ANKS1B: variants seen among roughly 807,000 people sequenced by gnomAD.
ANKS1B encodes ankyrin repeat and sterile alpha motif domain-containing protein 1B.
In ANKS1B, 36 loss-of-function variants were observed where a neutral mutation model predicts 148.3. The observed-to-expected ratio is 0.24, with a 90% CI of 0.19 to 0.32. The LOEUF is 0.32. Among genes scored for constraint, ANKS1B ranks in the 10% least tolerant of loss-of-function variants. The pLI, the probability that ANKS1B is intolerant of heterozygous loss-of-function variation, is 1.00. For missense variants in ANKS1B, 1,157 were observed against 1,542.6 expected, an observed-to-expected ratio of 0.75 and a Z score of 4.19; for synonymous variants, 542 against 560.8, an observed-to-expected ratio of 0.97 and a Z score of 0.47.
intron 17 of ANKS1B, among the ~76,000 whole-genome samples, chr12:98,901,325 A>T (rs1398976566): frequency 1.3e-5 from 2 of 152,242 alleles, no homozygotes; most frequent in Non-Finnish European, 2.9e-5. Flanking sequence ...TGGGTGGATT[A>T]TCTTCAATGA....
At chr12:99,685,742 G>GTATATATA (rs2098645760) in intron 8 of ANKS1B, among the ~76,000 whole-genome samples, 1 of 147,494 alleles carries the variant, frequency 6.8e-6, no homozygotes, top group African/African-American at 2.6e-5. Flanking sequence ...GTGTGTGTGT[G>GTATATATA]TATACATATA....
At chr12:99,034,323 TA>T (rs1280678355) in intron 17 of ANKS1B, among the ~76,000 whole-genome samples, 1 of 152,006 alleles carries the variant, frequency 6.6e-6, no homozygotes, top group African/African-American at 2.4e-5. Context: ...TTAATTATTT[TA>T]TTTTTTTTTT....
In ANKS1B at chr12:99,004,272, A is replaced by G. The variant is rs1488564524; in HGVS notation, c.2778+48885T>C. Among the ~76,000 whole-genome samples, 6 of 152,108 alleles carry G rather than the reference A, an allele frequency of 3.9e-5. No homozygotes were observed. In the East Asian group the frequency reaches 1.2e-3, roughly 29 times the overall value. On this transcript the variant is annotated intron_variant, in intron 17 of 26. Coordinates refer to ENST00000683438, the MANE Select transcript of ANKS1B (RefSeq NM_001352186.2). ...AGGGCTTTCTGTTCTTTTTCAGCAA[A>G]ACGCTCCTATTACAGCAGTTTTGTG...
chr12:99,458,440 GAA>G (rs147575113), intron 10 of ANKS1B, among the ~76,000 whole-genome samples: 1,815 of 133,862 alleles, frequency 0.014, 48 homozygotes, highest in African/African-American at 0.046. Flanking sequence ...AAATGAAATT[GAA>G]AAAAAAAAAA....
intron 12 of ANKS1B, among the ~76,000 whole-genome samples, chr12:99,358,282 C>T (rs1056898371): frequency 2.0e-5 from 3 of 152,068 alleles, no homozygotes; most frequent in African/African-American, 7.2e-5. Flanking sequence ...AAACACAAGA[C>T]CCATACTTCA....
At chr12:99,500,820 T>C (rs2096648187) in intron 10 of ANKS1B, among the ~76,000 whole-genome samples, 1 of 152,152 alleles carries the variant, frequency 6.6e-6, no homozygotes, top group African/African-American at 2.4e-5. Flanking sequence ...CTCAAATATA[T>C]TATATTTGTC....
intron 10 of ANKS1B, among the ~76,000 whole-genome samples, chr12:99,480,465 T>A (rs1511960): frequency 0.53 from 80,656 of 151,296 alleles, 23,073 homozygotes; most frequent in African/African-American, 0.76. Flanking sequence ...TTGTGATAGA[T>A]ACTAATGTTT....
chr12:99,688,704 AC>A (rs1454564562), intron 8 of ANKS1B, among the ~76,000 whole-genome samples: 1 of 152,058 alleles, frequency 6.6e-6, no homozygotes, highest in Non-Finnish European at 1.5e-5. Flanking sequence ...AGTGGTGCAC[AC>A]CTGTAGTCCA....
At chr12:99,962,315 C>G (rs150478982) in intron 1 of ANKS1B, among the ~76,000 whole-genome samples, 1 of 152,008 alleles carries the variant, frequency 6.6e-6, no homozygotes, top group Admixed American at 6.5e-5. Context: ...TTTCTGTTCC[C>G]GTGTTAGTTT....
At chr12:99,819,406 G>C (rs1369695025) in intron 2 of ANKS1B, among the ~76,000 whole-genome samples, 1 of 151,714 alleles carries the variant, frequency 6.6e-6, no homozygotes, top group East Asian at 1.9e-4. Context: ...ATTTTTAGAG[G>C]AGGTATGCCT....
chr12:98,912,209 T>C (rs201407), intron 17 of ANKS1B, among the ~76,000 whole-genome samples: 23,509 of 152,176 alleles, frequency 0.15, 2,143 homozygotes, highest in Non-Finnish European at 0.21. Context: ...TCAGGGTCAC[T>C]GGTAAATGGT....
chr12:99,971,845 C>G (rs2095562836), intron 1 of ANKS1B, among the ~76,000 whole-genome samples: 1 of 152,160 alleles, frequency 6.6e-6, no homozygotes, highest in Admixed American at 6.5e-5. Context: ...ATATCTCTGT[C>G]ACCTGTGATA....
At chr12:99,956,967 A>C (rs2095333538) in intron 1 of ANKS1B, among the ~76,000 whole-genome samples, 1 of 152,222 alleles carries the variant, frequency 6.6e-6, no homozygotes, top group Non-Finnish European at 1.5e-5. Context: ...CAGATGCTAC[A>C]ACTACGATTA....
intron 10 of ANKS1B, among the ~76,000 whole-genome samples, chr12:99,445,779 T>A (rs564859348): frequency 6.6e-6 from 1 of 152,100 alleles, no homozygotes; most frequent in East Asian, 1.9e-4. Context: ...TGGAGTGCAG[T>A]AGCATGAACA....
At position 99,431,913 on chromosome 12, in the gene ANKS1B, G is replaced by T. The variant is rs913161320; in HGVS notation, c.1575+11760C>A. Among the ~76,000 whole-genome samples the T allele has an allele frequency of 2.6e-5, 4 of 152,158 alleles. No homozygotes were observed. The South Asian group carries it at 8.3e-4, about 32-fold the overall frequency. ...GTTGGCAGGTGGGGCCTAGTAGAGG[G>T]TATTTGGGTCAAGAGGACAGATCTC... On this transcript the variant is annotated intron_variant, in intron 11 of 26. Transcript: ENST00000683438.
chr12:98,994,006 C>T (rs1298455778), intron 17 of ANKS1B, among the ~76,000 whole-genome samples: 1 of 152,090 alleles, frequency 6.6e-6, no homozygotes, highest in Admixed American at 6.5e-5. Flanking sequence ...TATTAACTAT[C>T]ACATTGTAAT....
intron 17 of ANKS1B, among the ~76,000 whole-genome samples, chr12:99,013,783 C>A (rs909181501): frequency 6.6e-6 from 1 of 151,708 alleles, no homozygotes; most frequent in Non-Finnish European, 1.5e-5. Context: ...AATAAAATAC[C>A]TAGGAATACA....
At chr12:99,776,225 A>G (rs957214276) in intron 6 of ANKS1B, among the ~76,000 whole-genome samples, 1 of 152,216 alleles carries the variant, frequency 6.6e-6, no homozygotes, top group African/African-American at 2.4e-5. Flanking sequence ...GTAATGTCCT[A>G]TACTCAGCCT....
Position 98,775,521 on chromosome 12 carries a change from G to C in ANKS1B, c.3442-2342C>G, listed in dbSNP as rs534578202. Among the ~76,000 whole-genome samples, 309 of 152,048 alleles carry C rather than the reference G, an allele frequency of 2.0e-3. 2 individuals carry two copies. Among genetic ancestry groups the C allele is most frequent in the Admixed American group, 7.0e-3 (107 of 15,260 alleles). On this transcript the variant is annotated intron_variant, in intron 24 of 26. Coordinates refer to ENST00000683438, the MANE Select transcript of ANKS1B (RefSeq NM_001352186.2). ...GCTGGAGTGCAGTGGCACCATCTCA[G>C]CTCACTGCAACTTCTCAGGCTCAAG...
Sources: gnomAD v4.1 joint callset for allele counts (sites outside exome capture counted in the v4.1 genomes callset) on GRCh38, gnomAD v4.1.1 for gene constraint, MANE v1.5 for transcripts, NCBI Gene and HGNC (gene_info 2026-07-23, HGNC 2026-07-21) for gene names.